Variants in HSPA12A observed in about 807,000 individuals in gnomAD.
HSPA12A encodes the protein heat shock protein family A (Hsp70) member 12A.
In HSPA12A, 28 loss-of-function variants were observed where a neutral mutation model predicts 69.2. The observed-to-expected ratio is 0.40, with a 90% CI of 0.30 to 0.55. The LOEUF (loss-of-function observed/expected upper bound fraction) is 0.55. HSPA12A is among the 20% of genes least tolerant of loss of function. The pLI, the probability that HSPA12A is intolerant of heterozygous loss-of-function variation, is 0.38. For synonymous variants in HSPA12A, 345 were observed against 370.5 expected (o/e 0.93, Z 0.79); for missense variants, 686 against 900.7 (o/e 0.76, Z 3.05).
At chr10:116,708,137 G>A (rs10787718) in intron 1 of HSPA12A, 32,640 of 151,932 alleles carry the variant, frequency 0.21, 3,992 homozygotes, top group Middle Eastern at 0.39. Flanking sequence ...CTCCCTGGCC[G>A]GCATTGGAAC....
chr10:116,739,441 A>G (rs1851412157), intron 1 of HSPA12A, among the ~76,000 whole-genome samples: 1 of 152,142 alleles, frequency 6.6e-6, no homozygotes, highest in African/African-American at 2.4e-5. Flanking sequence ...CCAAAGCCCA[A>G]TGCCAGGCCT....
chr10:116,755,582 A>C (rs1276976504), intron 2 of HSPA12A, among the ~76,000 whole-genome samples: 4 of 146,380 alleles, frequency 2.7e-5, no homozygotes, highest in African/African-American at 1.0e-4. Flanking sequence ...ACTGCACTCC[A>C]GCCTGGGTGA....
intron 2 of HSPA12A, among the ~76,000 whole-genome samples, chr10:116,801,942 G>A (rs1844965840): frequency 6.6e-6 from 1 of 152,070 alleles, no homozygotes; most frequent in Non-Finnish European, 1.5e-5. Flanking sequence ...GCTGTACTAT[G>A]TTTGCAACTT....
rs1357562168 is a variant in HSPA12A at position 116,686,848 on chromosome 10, C to T, written c.664-2886G>A. On this transcript the variant is annotated intron_variant, in intron 6 of 11. Transcript: ENST00000369209. The surrounding 1 kb of genome is among the most constrained non-coding windows in gnomAD (Gnocchi z 4.1). Reference sequence around the variant, plus strand: ...CCCTTCCCAAACCATAAGCTCCACCCCTCATCCCTCTTCCCACACCATAAG... The same window carrying T: ...CCCTTCCCAAACCATAAGCTCCACCTCTCATCCCTCTTCCCACACCATAAG... Among the ~76,000 whole-genome samples the T allele has an allele frequency of 6.6e-6, 1 of 151,316 alleles. No homozygotes were observed. The highest frequency in any genetic ancestry group is 1.5e-5 in the Non-Finnish European group (1 of 67,852).
chr10:116,747,815 A>G (rs1182875902), intron 2 of HSPA12A, among the ~76,000 whole-genome samples: 2 of 152,086 alleles, frequency 1.3e-5, no homozygotes, highest in Non-Finnish European at 1.5e-5. Context: ...CCTGGCCAAC[A>G]TGGTGAAACC....
intron 1 of HSPA12A, among the ~76,000 whole-genome samples, chr10:116,722,975 G>C (rs1468539): frequency 0.82 from 124,570 of 151,764 alleles, 52,455 homozygotes; most frequent in Non-Finnish European, 0.92. Flanking sequence ...GGAGTAAACA[G>C]CAGGCCAAAG....
chr10:116,834,291 A>G (rs1845671546), intron 2 of HSPA12A, among the ~76,000 whole-genome samples: 1 of 152,212 alleles, frequency 6.6e-6, no homozygotes, highest in Admixed American at 6.5e-5. Context: ...ACCTTTGGCA[A>G]ACCATTTAAC....
intron 9 of HSPA12A, 46 bp from the exon 10 acceptor site, chr10:116,679,807 G>A: frequency 6.3e-7 from 1 of 1,597,582 alleles, no homozygotes. Context: ...AAAACCATTA[G>A]AAACCCAATC....
In HSPA12A at chr10:116,683,973, GA is replaced by G; in HGVS notation, c.664-12del. 1 of 1,555,140 alleles carries G rather than the reference GA, an allele frequency of 6.4e-7. No individual in the cohort carries two copies. Among genetic ancestry groups the G allele is most frequent in the Admixed American group, 1.8e-5 (1 of 57,008 alleles). The stretch of plus-strand genomic sequence containing the variant: ...GGAGGCCAGGCCTGCCTGGAAGACA[GA>G]AACAGAGGCTGGGACCCAGGGCCCC... On this transcript the variant is annotated splice_polypyrimidine_tract_variant and intron_variant, in intron 6 of 11. Coordinates refer to ENST00000369209, the MANE Select transcript of HSPA12A (RefSeq NM_025015.3).
At position 116,774,398 on chromosome 10, in the gene HSPA12A, G is replaced by T. The variant is rs1053697088; in HGVS notation, c.91+60537C>A. ...CAATGCCTAGTTCAGTCCCTGACCAGTGTGGTCCCTGACCAGCAGCATTAA... is the reference window on the plus strand; with the variant it reads ...CAATGCCTAGTTCAGTCCCTGACCATTGTGGTCCCTGACCAGCAGCATTAA... On this transcript the variant is annotated intron_variant, in intron 2 of 12. Coordinates refer to the HSPA12A transcript ENST00000635765. Among the ~76,000 whole-genome samples the T allele has an allele frequency of 7.8e-4, 118 of 152,206 alleles. 2 individuals are homozygous for T. The highest frequency in any genetic ancestry group is 1.8e-4 in the Non-Finnish European group (12 of 68,044).
At chr10:116,785,626 G>T (rs1844558454) in intron 2 of HSPA12A, among the ~76,000 whole-genome samples, 1 of 152,106 alleles carries the variant, frequency 6.6e-6, no homozygotes, top group African/African-American at 2.4e-5. Flanking sequence ...GCACACTCGG[G>T]CTCTGCTGCC....
At chr10:116,787,021 C>T (rs905136652) in intron 2 of HSPA12A, among the ~76,000 whole-genome samples, 1 of 150,296 alleles carries the variant, frequency 6.7e-6, no homozygotes, top group African/African-American at 2.4e-5. Flanking sequence ...CACACACGCA[C>T]GCACTCACAC....
At chr10:116,811,579 TA>T (rs60912684) in intron 2 of HSPA12A, among the ~76,000 whole-genome samples, 50,742 of 105,914 alleles carry the variant, frequency 0.48, 11,922 homozygotes, top group East Asian at 0.75. Flanking sequence ...TTGCTTTTGT[TA>T]AAAAAAAAAA....
intron 8 of HSPA12A, 113 bp from the exon 9 acceptor site, chr10:116,681,369 G>A: frequency 1.3e-6 from 1 of 780,814 alleles, no homozygotes; most frequent in Non-Finnish European, 2.2e-6. Context: ...CTTCTCATTA[G>A]CACAATGGTT....
intron 1 of HSPA12A, among the ~76,000 whole-genome samples, chr10:116,841,646 T>C (rs1845802042): frequency 6.6e-6 from 1 of 152,302 alleles, no homozygotes; most frequent in South Asian, 2.1e-4. Context: ...GTTTGTCATA[T>C]ACAAAAGAGA....
intron 5 of HSPA12A, among the ~76,000 whole-genome samples, chr10:116,696,522 C>T (rs1335013265): frequency 1.3e-5 from 2 of 152,246 alleles, no homozygotes; most frequent in Admixed American, 6.5e-5. Flanking sequence ...TGAGGCCTCC[C>T]CAGCCATGTG....
At chr10:116,803,049 G>T (rs976658164) in intron 2 of HSPA12A, among the ~76,000 whole-genome samples, 1 of 47,278 alleles carries the variant, frequency 2.1e-5, no homozygotes, top group Non-Finnish European at 9.0e-5. Flanking sequence ...GTAAGCCACC[G>T]GGAGATGAGG....
intron 1 of HSPA12A, among the ~76,000 whole-genome samples, chr10:116,739,883 C>G (rs1388975358): frequency 1.3e-5 from 2 of 152,118 alleles, no homozygotes; most frequent in Non-Finnish European, 2.9e-5. Flanking sequence ...GCCCACTCCC[C>G]ACCCCACCCC....
At chr10:116,772,513 GCT>G (rs1351457375) in intron 2 of HSPA12A, among the ~76,000 whole-genome samples, 2 of 152,146 alleles carry the variant, frequency 1.3e-5, no homozygotes, top group Non-Finnish European at 2.9e-5. Flanking sequence ...TTTTGCAGAT[GCT>G]GAAACTGAGA....
Sources: gnomAD v4.1 joint callset for allele counts (sites outside exome capture counted in the v4.1 genomes callset) on GRCh38, gnomAD v4.1.1 for gene constraint, Gnocchi (gnomAD v3.1) non-coding constraint, MANE v1.5 for transcripts, NCBI Gene and HGNC (gene_info 2026-07-23, HGNC 2026-07-21) for gene names.